Variants in MGAT5 observed in about 807,000 individuals in gnomAD.
The protein encoded by MGAT5 is alpha-1,6-mannosylglycoprotein 6-beta-N-acetylglucosaminyltransferase A.
MGAT5 carries 30 observed loss-of-function variants against 94.3 expected under a neutral mutation model. The observed-to-expected ratio is 0.32, with a 90% CI of 0.24 to 0.43. MGAT5 has a LOEUF of 0.43. Among genes scored for constraint, MGAT5 ranks in the 20% least tolerant of loss-of-function variants. MGAT5 has a pLI of 1.00. For missense variants in MGAT5, 691 were observed against 905.5 expected, an observed-to-expected ratio of 0.76 and a Z score of 3.04; for synonymous variants, 310 against 322.9, an observed-to-expected ratio of 0.96 and a Z score of 0.43.
chr2:134,192,402 T>C (rs1023107560), intron 1 of MGAT5, among the ~76,000 whole-genome samples: 2 of 152,162 alleles, frequency 1.3e-5, no homozygotes, highest in Non-Finnish European at 2.9e-5. Context: ...GTTCTTTACT[T>C]GTCTCAGGTA....
chr2:134,227,999 CAAG>C (rs746713448), intron 1 of MGAT5, among the ~76,000 whole-genome samples: 1 of 152,126 alleles, frequency 6.6e-6, no homozygotes, highest in Non-Finnish European at 1.5e-5. Context: ...TATCAAGACT[CAAG>C]GAGATGATTT....
chr2:134,334,689 G>C (rs929834613), intron 4 of MGAT5, among the ~76,000 whole-genome samples: 2 of 151,884 alleles, frequency 1.3e-5, no homozygotes, highest in Non-Finnish European at 2.9e-5. Flanking sequence ...TGTGCATAAT[G>C]CTACTGAGAC....
At chr2:134,179,721 GA>G (rs1382082232) in intron 1 of MGAT5, among the ~76,000 whole-genome samples, 2 of 152,124 alleles carry the variant, frequency 1.3e-5, no homozygotes, top group Non-Finnish European at 2.9e-5. Flanking sequence ...TTACACTTCT[GA>G]ATCTGTCAGA....
Position 134,341,474 on chromosome 2 carries a change from T to G in MGAT5, c.808-116T>G, listed in dbSNP as rs917183605. 1.3e-5 allele frequency: 11 copies of G among 819,512 alleles called. No individual in the cohort carries two copies. In the African/African-American group the frequency reaches 1.6e-4, roughly 12 times the overall value. 50.8% of individuals were successfully genotyped at this position (819,512 alleles called of 1,614,324 possible). A position where few individuals can be genotyped will look rare whatever the true frequency, so the allele number is the denominator to read the frequency against. ...CTAGAAAAACAGCATTCCCCACCCT[T>G]TGATTTTGTTAGGATGTAAACATGA... On this transcript the variant is annotated intron_variant, in intron 6 of 15. Transcript: ENST00000281923.
At chr2:134,414,909 T>G (rs1240220530) in intron 12 of MGAT5, among the ~76,000 whole-genome samples, 2 of 152,220 alleles carry the variant, frequency 1.3e-5, no homozygotes, top group Non-Finnish European at 2.9e-5. Context: ...CTTATTTTAC[T>G]TAGCATAATA....
chr2:134,381,511 CCAGACAGA>C (rs770100870), intron 10 of MGAT5, among the ~76,000 whole-genome samples: 1 of 50,660 alleles, frequency 2.0e-5, no homozygotes, highest in African/African-American at 4.2e-5. Flanking sequence ...GACAGACAGA[CCAGACAGA>C]CAGACAGACA....
chr2:134,369,370 G>T (rs1365552941), intron 10 of MGAT5, among the ~76,000 whole-genome samples: 1 of 152,202 alleles, frequency 6.6e-6, no homozygotes, highest in Non-Finnish European at 1.5e-5. Flanking sequence ...TGTGAGATTA[G>T]CAGGGAGATG....
At chr2:134,389,565 ATTTTTTC>A (rs1682269255) in intron 10 of MGAT5, among the ~76,000 whole-genome samples, 1 of 152,108 alleles carries the variant, frequency 6.6e-6, no homozygotes, top group South Asian at 2.1e-4. Flanking sequence ...CTGGTGATTA[ATTTTTTC>A]TTGGAGCCCC....
intron 11 of MGAT5, among the ~76,000 whole-genome samples, chr2:134,403,491 TC>T (rs992044853): frequency 6.6e-6 from 1 of 152,170 alleles, no homozygotes; most frequent in African/African-American, 2.4e-5. Flanking sequence ...GCTGAACTCT[TC>T]CCCCAACCCA....
chr2:134,318,603 T>G lies in MGAT5; in HGVS notation c.484-47T>G, dbSNP rs775434209. 4 of 1,378,232 alleles carry G rather than the reference T, an allele frequency of 2.9e-6. No individual in the cohort carries two copies. In the Admixed American group the frequency reaches 6.7e-5, roughly 23 times the overall value. 85.4% of individuals were successfully genotyped at this position (1,378,232 alleles called of 1,614,324 possible). A position where few individuals can be genotyped will look rare whatever the true frequency, so the allele number is the denominator to read the frequency against. The stretch of plus-strand genomic sequence containing the variant: ...TCCTCGCCTTCCCTGTCAGCAGATG[T>G]GGAGGGCCTGTGAATGGGCTGCTCA... On this transcript the variant is annotated intron_variant, in intron 3 of 15. Transcript: ENST00000281923.
intron 5 of MGAT5, among the ~76,000 whole-genome samples, chr2:134,336,699 A>G (rs932333093): frequency 6.6e-6 from 1 of 152,162 alleles, no homozygotes; most frequent in Admixed American, 6.6e-5. Flanking sequence ...GGCCGAATTT[A>G]AATGATGAGT....
At chr2:134,209,173 T>C (rs1375932214) in intron 1 of MGAT5, among the ~76,000 whole-genome samples, 1 of 20,180 alleles carries the variant, frequency 5.0e-5, no homozygotes, top group Non-Finnish European at 6.9e-5. Flanking sequence ...TTTTTTTATT[T>C]TTTTTTTTAT....
At chr2:134,446,156 GGCGGTCTCTGT>G (rs1685760386) in intron 15 of MGAT5, among the ~76,000 whole-genome samples, 2 of 152,014 alleles carry the variant, frequency 1.3e-5, no homozygotes, top group Non-Finnish European at 2.9e-5. Context: ...AGCACTCTGC[GGCGGTCTCTGT>G]GCATCACCCC....
At position 134,318,613 on chromosome 2, in the gene MGAT5, G is replaced by A. The variant is rs753876018; in HGVS notation, c.484-37G>A. The A allele has an allele frequency of 4.2e-5, 63 of 1,517,056 alleles. 2 individuals carry two copies. In the South Asian group the frequency reaches 6.2e-4, roughly 15 times the overall value. 94.0% of individuals were successfully genotyped at this position (1,517,056 alleles called of 1,614,324 possible). ...CCCTGTCAGCAGATGTGGAGGGCCT[G>A]TGAATGGGCTGCTCAGAGATGTTCT... On this transcript the variant is annotated intron_variant, in intron 3 of 15. Transcript: ENST00000281923.
intron 1 of MGAT5, among the ~76,000 whole-genome samples, chr2:134,145,006 A>G (rs1467007730): frequency 6.6e-6 from 1 of 152,220 alleles, no homozygotes; most frequent in Non-Finnish European, 1.5e-5. Flanking sequence ...AGTGATCACA[A>G]ACCATTTGCT....
At chr2:134,234,333 CTT>C (rs1681524952) in intron 1 of MGAT5, among the ~76,000 whole-genome samples, 1 of 152,210 alleles carries the variant, frequency 6.6e-6, no homozygotes, top group South Asian at 2.1e-4. Context: ...GCTACAAGGA[CTT>C]TTCCCAACAG....
chr2:134,319,961 C>T (rs17783122), intron 4 of MGAT5: 32,360 of 205,548 alleles, frequency 0.16, 2,714 homozygotes, highest in Middle Eastern at 0.33. Context: ...TACTCTTGAA[C>T]GTGGGTAGTG....
At chr2:134,176,004 T>G (rs1688446108) in intron 1 of MGAT5, among the ~76,000 whole-genome samples, 1 of 152,236 alleles carries the variant, frequency 6.6e-6, no homozygotes, top group South Asian at 2.1e-4. Flanking sequence ...GTTTTATGAC[T>G]AGTCATCCAT....
At position 134,363,850 on chromosome 2, in the gene MGAT5, G is replaced by A. The variant is rs138781073; in HGVS notation, c.1380+1442G>A. Reference sequence around the variant, plus strand: ...TATAAAAATGTGTCCTGTGTTGATAGTGCATTTTCCAGCTGACTTTCAGCC... The same window carrying A: ...TATAAAAATGTGTCCTGTGTTGATAATGCATTTTCCAGCTGACTTTCAGCC... On this transcript the variant is annotated intron_variant, in intron 10 of 15. Transcript: ENST00000281923. 3.3e-3 allele frequency among the ~76,000 whole-genome samples: 508 copies of A among 152,324 alleles called. 5 individuals carry two copies. Among genetic ancestry groups the A allele is most frequent in the African/African-American group, 0.011 (463 of 41,572 alleles).
Sources: gnomAD v4.1 joint callset for allele counts (sites outside exome capture counted in the v4.1 genomes callset) on GRCh38, gnomAD v4.1.1 for gene constraint, MANE v1.5 for transcripts, NCBI Gene and HGNC (gene_info 2026-07-23, HGNC 2026-07-21) for gene names.